GLT8D2: variants seen among roughly 807,000 people sequenced by gnomAD.
The protein encoded by GLT8D2 is glycosyltransferase 8 domain-containing protein 2.
A neutral mutation model predicts 44.5 loss-of-function variants in GLT8D2; 45 were observed. The ratio of observed to expected loss-of-function variants is 1.01; its 90% CI spans 0.80 to 1.30. The LOEUF (loss-of-function observed/expected upper bound fraction) is 1.30. Among genes scored for constraint, GLT8D2 ranks in the 50% most tolerant of loss-of-function variants. The pLI is 0.00. For missense variants in GLT8D2, 400 were observed against 430.4 expected, an observed-to-expected ratio of 0.93 and a Z score of 0.62; for synonymous variants, 156 against 157.2, an observed-to-expected ratio of 0.99 and a Z score of 0.06.
intron 5 of GLT8D2, among the ~76,000 whole-genome samples, chr12:104,001,696 T>C (rs1874240322): frequency 6.6e-6 from 1 of 152,072 alleles, no homozygotes; most frequent in Non-Finnish European, 1.5e-5. Flanking sequence ...ATTTATTTAT[T>C]TTTTATTTAT....
Position 103,989,722 on chromosome 12 carries a change from A to C in GLT8D2, c.881-145T>G, listed in dbSNP as rs1192126315. Reference sequence around the variant, plus strand: ...ATTTTCTACCCACCCCAGGTCTCCAAATCAACCACTGTTAGTCTCTTGTGA... The same window carrying C: ...ATTTTCTACCCACCCCAGGTCTCCACATCAACCACTGTTAGTCTCTTGTGA... On this transcript the variant is annotated intron_variant, in intron 10 of 10. Transcript: ENST00000360814. 1.4e-5 allele frequency: 9 copies of C among 655,286 alleles called. No homozygotes were observed. In the South Asian group the frequency reaches 1.9e-4, roughly 14 times the overall value. 40.6% of individuals were successfully genotyped at this position (655,286 alleles called of 1,614,324 possible).
intron 1 of GLT8D2, among the ~76,000 whole-genome samples, chr12:104,058,768 A>C (rs1219362584): frequency 6.6e-6 from 1 of 152,200 alleles, no homozygotes; most frequent in East Asian, 1.9e-4. Context: ...GTGAGAGATG[A>C]AAGTACCTTC....
upstream of GLT8D2, among the ~76,000 whole-genome samples, chr12:104,050,692 G>C (rs1223926473): frequency 6.6e-6 from 1 of 152,156 alleles, no homozygotes; most frequent in Non-Finnish European, 1.5e-5. Context: ...TGGGATCACA[G>C]AATTTATTTC....
chr12:104,018,551 C>A (rs1877190779), intron 3 of GLT8D2, among the ~76,000 whole-genome samples: 1 of 152,084 alleles, frequency 6.6e-6, no homozygotes, highest in Non-Finnish European at 1.5e-5. Context: ...GGACAAAATT[C>A]TACAGTTTAT....
At chr12:103,995,137 C>T (rs1465711544) in intron 8 of GLT8D2, among the ~76,000 whole-genome samples, 1 of 152,156 alleles carries the variant, frequency 6.6e-6, no homozygotes, top group African/African-American at 2.4e-5. Context: ...CCATAATTGC[C>T]ACTCAATGGA....
At chr12:104,029,811 C>A (rs185665022) in intron 1 of GLT8D2, 42 of 152,216 alleles carry the variant, frequency 2.8e-4, no homozygotes, top group African/African-American at 1.0e-3. Context: ...ATGACTGAAG[C>A]AGACAATTCT....
intron 1 of GLT8D2, among the ~76,000 whole-genome samples, chr12:104,058,566 A>G (rs1882376442): frequency 6.6e-6 from 1 of 152,182 alleles, no homozygotes; most frequent in South Asian, 2.1e-4. Context: ...TGCTCTTATT[A>G]TTCCCATTTT....
At chr12:104,021,795 G>C (rs1337258652) in intron 1 of GLT8D2, among the ~76,000 whole-genome samples, 4 of 143,874 alleles carry the variant, frequency 2.8e-5, no homozygotes. Flanking sequence ...AAAAGAAAAA[G>C]AAAGAAGACA....
At chr12:104,028,331 G>C in intron 1 of GLT8D2, among the ~76,000 whole-genome samples, 1 of 151,986 alleles carries the variant, frequency 6.6e-6, no homozygotes. Context: ...TAAAGATTTG[G>C]CATGCCTGAA....
At chr12:103,993,243 A>T (rs1334467033) in intron 10 of GLT8D2, 149 bp downstream of exon 10, 3 of 664,464 alleles carry the variant, frequency 4.5e-6, no homozygotes, top group African/African-American at 3.6e-5. Context: ...AGGCAGGTGA[A>T]TTGCTTGAAC....
At position 104,029,424 on chromosome 12, in the gene GLT8D2, A is replaced by G. The variant is rs147532617; in HGVS notation, c.-163-7933T>C. Among the ~76,000 whole-genome samples the G allele has an allele frequency of 2.8e-4, 43 of 152,292 alleles. No individual in the cohort carries two copies. The East Asian group carries it at 7.5e-3, about 27-fold the overall frequency. ...CTGAGAGAATAAATGTGGTATGGTT[A>G]TGTAGGAGTATATCATTGATAGTAG... On this transcript the variant is annotated intron_variant, in intron 1 of 10. Coordinates refer to ENST00000360814, the MANE Select transcript of GLT8D2 (RefSeq NM_001384711.1).
intron 1 of GLT8D2, among the ~76,000 whole-genome samples, chr12:104,059,360 C>T (rs2136554073): frequency 6.6e-6 from 1 of 152,282 alleles, no homozygotes; most frequent in South Asian, 2.1e-4. Context: ...TCCAGTGGAG[C>T]TGCTCTACTT....
intron 1 of GLT8D2, among the ~76,000 whole-genome samples, chr12:104,040,289 G>C (rs962695613): frequency 6.6e-6 from 1 of 151,974 alleles, no homozygotes; most frequent in Non-Finnish European, 1.5e-5. Context: ...AGAACTTAAA[G>C]TATAATAATA....
chr12:104,025,518 T>G lies in GLT8D2; in HGVS notation c.-163-4027A>C, dbSNP rs145065245. The stretch of plus-strand genomic sequence containing the variant: ...GCCACCACACCTGGCCTTTTTTTCT[T>G]TTATAGATCATGCTTTTGGTATCAT... On this transcript the variant is annotated intron_variant, in intron 1 of 10. Transcript: ENST00000360814. Among the ~76,000 whole-genome samples the G allele has an allele frequency of 8.5e-5, 13 of 152,258 alleles. No homozygotes were observed. The East Asian group carries it at 9.6e-4, about 11-fold the overall frequency.
chr12:104,019,264 A>T (rs760254687), intron 3 of GLT8D2, among the ~76,000 whole-genome samples: 1 of 151,828 alleles, frequency 6.6e-6, no homozygotes, highest in African/African-American at 2.4e-5. Context: ...AGTAGCTGAG[A>T]CTACAGGTGT....
At chr12:104,053,790 A>G (rs1881924817), upstream of GLT8D2, among the ~76,000 whole-genome samples, 1 of 152,052 alleles carries the variant, frequency 6.6e-6, no homozygotes, top group Admixed American at 6.6e-5. Flanking sequence ...AGGCTGAGGC[A>G]GGAGAATGGC....
intron 4 of GLT8D2, chr12:104,014,247 T>C (rs1296655051): frequency 1.4e-6 from 1 of 698,090 alleles, no homozygotes; most frequent in Non-Finnish European, 2.6e-6. Context: ...TCCAACTTCC[T>C]GGGGTGCTGA....
intron 3 of GLT8D2, among the ~76,000 whole-genome samples, chr12:104,015,393 A>AACACACACACACACACACACACAC (rs55732553): frequency 2.4e-5 from 3 of 126,098 alleles, no homozygotes; most frequent in African/African-American, 3.3e-5. Flanking sequence ...AACAACAACA[A>AACACACACACACACACACACACAC]ACACACACAC....
At chr12:103,996,666 T>C in intron 8 of GLT8D2, 69 bp downstream of exon 8, 2 of 1,111,906 alleles carry the variant, frequency 1.8e-6, no homozygotes, top group Non-Finnish European at 2.7e-6. Flanking sequence ...TCATTTTGAC[T>C]TGCAGAGGGG....
Sources: gnomAD v4.1 joint callset for allele counts (sites outside exome capture counted in the v4.1 genomes callset) on GRCh38, gnomAD v4.1.1 for gene constraint, MANE v1.5 for transcripts, NCBI Gene and HGNC (gene_info 2026-07-23, HGNC 2026-07-21) for gene names.